The following MGAT5 variants were observed in gnomAD, a reference collection of about 807,000 sequenced individuals.
MGAT5 encodes alpha-1,6-mannosylglycoprotein 6-beta-N-acetylglucosaminyltransferase A.
Under a neutral mutation model 94.3 loss-of-function variants are expected in MGAT5, and 30 were observed. That is an observed-to-expected ratio of 0.32 (90% confidence interval 0.24 to 0.43). MGAT5 has a LOEUF of 0.43. MGAT5 is among the 20% of genes least tolerant of loss of function. The pLI, the probability that MGAT5 is intolerant of heterozygous loss-of-function variation, is 1.00. For synonymous variants in MGAT5, 310 were observed against 322.9 expected (o/e 0.96, Z 0.43); for missense variants, 691 against 905.5 (o/e 0.76, Z 3.04).
intron 10 of MGAT5, among the ~76,000 whole-genome samples, chr2:134,373,942 G>T (rs955155353): frequency 1.3e-5 from 2 of 152,198 alleles, no homozygotes; most frequent in East Asian, 3.9e-4. Flanking sequence ...ACTGCTAGAG[G>T]TTCAGACACA....
At chr2:134,384,645 G>A (rs1337752444) in intron 10 of MGAT5, among the ~76,000 whole-genome samples, 2 of 152,176 alleles carry the variant, frequency 1.3e-5, no homozygotes, top group Admixed American at 1.3e-4. Flanking sequence ...CGGAAGTTTG[G>A]TGTACAAGCA....
chr2:134,402,730 G>A (rs747105697), intron 10 of MGAT5, among the ~76,000 whole-genome samples: 1 of 152,122 alleles, frequency 6.6e-6, no homozygotes, highest in African/African-American at 2.4e-5. Context: ...TATACAGTTG[G>A]TATTCAGTAA....
chr2:134,328,001 G>A (rs1687742324), intron 4 of MGAT5, among the ~76,000 whole-genome samples: 1 of 152,118 alleles, frequency 6.6e-6, no homozygotes, highest in African/African-American at 2.4e-5. Flanking sequence ...AGTGGGAGCT[G>A]TGCCTAGTGA....
chr2:134,347,662 T>G (rs1471616762), intron 8 of MGAT5, among the ~76,000 whole-genome samples: 1 of 152,156 alleles, frequency 6.6e-6, no homozygotes, highest in Non-Finnish European at 1.5e-5. Flanking sequence ...TAGAGATGAT[T>G]TAAATATGAG....
chr2:134,160,335 G>A (rs1009826713), intron 1 of MGAT5, among the ~76,000 whole-genome samples: 1 of 152,128 alleles, frequency 6.6e-6, no homozygotes, highest in Non-Finnish European at 1.5e-5. Context: ...CACCAGGCCC[G>A]GCTAATTTTT....
intron 1 of MGAT5, among the ~76,000 whole-genome samples, chr2:134,206,535 G>A (rs570565636): frequency 1.3e-5 from 2 of 152,274 alleles, no homozygotes; most frequent in South Asian, 2.1e-4. Flanking sequence ...AATCTGAAAC[G>A]GCTCTGTAGT....
In MGAT5 at chr2:134,127,566, A is replaced by G. The variant is rs555091218; in HGVS notation, c.-143+7275A>G. ...AACATGTAGGTCCAATAAAGAAAGGAGTGTCATGGAGCTCTCATGGGTACA... is the reference window on the plus strand; with the variant it reads ...AACATGTAGGTCCAATAAAGAAAGGGGTGTCATGGAGCTCTCATGGGTACA... On this transcript the variant is annotated intron_variant, in intron 1 of 16. Coordinates refer to the MGAT5 transcript ENST00000409645. Among the ~76,000 whole-genome samples, 14 of 143,694 alleles carry G rather than the reference A, an allele frequency of 9.7e-5. No homozygotes were observed. The South Asian group carries it at 2.5e-3, about 26-fold the overall frequency. 94.3% of individuals were successfully genotyped at this position (143,694 alleles called of 152,430 possible). A position where few individuals can be genotyped will look rare whatever the true frequency, so the allele number is the denominator to read the frequency against.
rs950059644 is a variant in MGAT5 at position 134,357,189 on chromosome 2, G to A, written c.1247-5086G>A. Among the ~76,000 whole-genome samples, 3 of 152,178 alleles carry A rather than the reference G, an allele frequency of 2.0e-5. No individual in the cohort carries two copies. In the East Asian group the frequency reaches 5.8e-4, roughly 29 times the overall value. On this transcript the variant is annotated intron_variant, in intron 9 of 15. Coordinates refer to ENST00000281923, the MANE Select transcript of MGAT5 (RefSeq NM_002410.5). ...TGTTTTTAATCCATGCAACAATGTAGGGAAGGAGACTGTTGTACAAATTTA... is the reference window on the plus strand; with the variant it reads ...TGTTTTTAATCCATGCAACAATGTAAGGAAGGAGACTGTTGTACAAATTTA...
At chr2:134,239,166 T>G (rs1681826327) in intron 1 of MGAT5, among the ~76,000 whole-genome samples, 1 of 151,910 alleles carries the variant, frequency 6.6e-6, no homozygotes, top group African/African-American at 2.4e-5. Flanking sequence ...ACCTGGCTAA[T>G]TTTTTGTATT....
chr2:134,395,839 G>A (rs945644927), intron 10 of MGAT5, among the ~76,000 whole-genome samples: 2 of 152,154 alleles, frequency 1.3e-5, no homozygotes, highest in African/African-American at 2.4e-5. Flanking sequence ...CTTCCTGTTC[G>A]TTCCCCCAGA....
At chr2:134,345,884 G>A (rs185270179) in intron 8 of MGAT5, among the ~76,000 whole-genome samples, 37 of 151,712 alleles carry the variant, frequency 2.4e-4, no homozygotes, top group Admixed American at 9.2e-4. Flanking sequence ...GCTTTTTTTT[G>A]TTGTTATCTT....
At chr2:134,376,971 T>G (rs1430181920) in intron 10 of MGAT5, among the ~76,000 whole-genome samples, 1 of 152,180 alleles carries the variant, frequency 6.6e-6, no homozygotes, top group African/African-American at 2.4e-5. Context: ...ACCTAAACCA[T>G]GTTTTTATCC....
At chr2:134,308,491 G>A (rs1287086865) in intron 2 of MGAT5, among the ~76,000 whole-genome samples, 1 of 152,142 alleles carries the variant, frequency 6.6e-6, no homozygotes, top group Non-Finnish European at 1.5e-5. Flanking sequence ...AGTGTATATG[G>A]CATTGGGCTG....
intron 10 of MGAT5, among the ~76,000 whole-genome samples, chr2:134,389,677 A>G (rs1479954059): frequency 6.6e-6 from 1 of 152,170 alleles, no homozygotes; most frequent in Non-Finnish European, 1.5e-5. Context: ...TTGGAATCAA[A>G]ACTAATACAG....
At chr2:134,222,999 A>G (rs760060991) in intron 1 of MGAT5, among the ~76,000 whole-genome samples, 1 of 152,108 alleles carries the variant, frequency 6.6e-6, no homozygotes, top group Non-Finnish European at 1.5e-5. Flanking sequence ...TGTATATTAT[A>G]TATCTATATC....
intron 2 of MGAT5, among the ~76,000 whole-genome samples, chr2:134,297,761 T>G (rs906139877): frequency 6.6e-6 from 1 of 152,188 alleles, no homozygotes; most frequent in Non-Finnish European, 1.5e-5. Context: ...TTAATTTTTT[T>G]TTTCTCCTAA....
Position 134,453,206 on chromosome 2 carries a change from T to A in MGAT5, c.*4359T>A, listed in dbSNP as rs1291003603. On this transcript the variant is annotated 3_prime_UTR_variant, in exon 16 of 16. Coordinates refer to ENST00000281923, the MANE Select transcript of MGAT5 (RefSeq NM_002410.5). ...AAAACATGATTCCAAGTTGATTGAA[T>A]GTTGTAGGAATTACTGGTTTAGAGT... 1.3e-5 allele frequency: 2 copies of A among 152,214 alleles called. No homozygotes were observed. The highest frequency in any genetic ancestry group is 2.4e-5 in the African/African-American group (1 of 41,450). The allele number at this position is 152,214 out of a possible 1,614,324, so 9.4% of individuals were successfully genotyped here.
intron 8 of MGAT5, among the ~76,000 whole-genome samples, chr2:134,348,070 T>C (rs1244466623): frequency 2.0e-5 from 3 of 152,212 alleles, no homozygotes; most frequent in African/African-American, 7.2e-5. Context: ...TGCAGAAGAA[T>C]ATATAGTGGC....
intron 11 of MGAT5, among the ~76,000 whole-genome samples, chr2:134,405,912 G>A (rs1683307079): frequency 1.3e-5 from 2 of 152,226 alleles, no homozygotes; most frequent in African/African-American, 4.8e-5. Flanking sequence ...GGAATTCAAT[G>A]TAACACTAAT....
Sources: gnomAD v4.1 joint callset for allele counts (sites outside exome capture counted in the v4.1 genomes callset) on GRCh38, gnomAD v4.1.1 for gene constraint, MANE v1.5 for transcripts, NCBI Gene and HGNC (gene_info 2026-07-23, HGNC 2026-07-21) for gene names.